The following PTPRD variants were observed in gnomAD, a reference collection of about 807,000 sequenced individuals.
The protein encoded by PTPRD is protein tyrosine phosphatase receptor type D, also known as receptor-type tyrosine-protein phosphatase delta.
In PTPRD, 34 loss-of-function variants were observed where a neutral mutation model predicts 214.5. That is an observed-to-expected ratio of 0.16 (90% CI 0.12 to 0.21). PTPRD has a LOEUF of 0.21. Ranked by LOEUF, PTPRD falls within the 10% of genes least tolerant of loss-of-function variation. PTPRD has a pLI of 1.00. For missense variants in PTPRD, 2,545 were observed against 2,398.7 expected, an observed-to-expected ratio of 1.06 and a Z score of -1.27; for synonymous variants, 1,128 against 845.7, an observed-to-expected ratio of 1.33 and a Z score of -5.79.
intron 2 of PTPRD, among the ~76,000 whole-genome samples, chr9:10,346,751 C>T (rs1283767487): frequency 1.3e-5 from 2 of 152,102 alleles, no homozygotes; most frequent in Non-Finnish European, 2.9e-5. Flanking sequence ...ACTTGTGTTA[C>T]ATTTACTGAA....
intron 3 of PTPRD, among the ~76,000 whole-genome samples, chr9:10,253,154 G>A (rs2154370507): frequency 6.6e-6 from 1 of 152,148 alleles, no homozygotes; most frequent in Non-Finnish European, 1.5e-5. Flanking sequence ...TAAATTTGAT[G>A]ATTAAAAAAA....
At chr9:10,212,787 A>G (rs544365098) in intron 3 of PTPRD, among the ~76,000 whole-genome samples, 1 of 152,168 alleles carries the variant, frequency 6.6e-6, no homozygotes, top group Non-Finnish European at 1.5e-5. Flanking sequence ...CTGGAGTCCT[A>G]CAAGGTTTCA....
chr9:10,182,445 G>T (rs989580260), intron 3 of PTPRD, among the ~76,000 whole-genome samples: 3 of 151,250 alleles, frequency 2.0e-5, no homozygotes, highest in Admixed American at 6.6e-5. Flanking sequence ...TGGAAAATAG[G>T]GGAGATCAAA....
At chr9:9,567,627 A>G (rs1291650530) in intron 8 of PTPRD, among the ~76,000 whole-genome samples, 1 of 152,040 alleles carries the variant, frequency 6.6e-6, no homozygotes, top group Non-Finnish European at 1.5e-5. Flanking sequence ...TACACCAACA[A>G]AGCATAATAA....
intron 3 of PTPRD, among the ~76,000 whole-genome samples, chr9:10,307,169 C>A (rs887545917): frequency 5.3e-5 from 8 of 150,948 alleles, no homozygotes; most frequent in African/African-American, 2.0e-4. Flanking sequence ...GCACTTATTC[C>A]TTCTATCGAA....
chr9:9,453,571 G>C (rs10977766), intron 8 of PTPRD, among the ~76,000 whole-genome samples: 23,094 of 151,410 alleles, frequency 0.15, 1,871 homozygotes, highest in Middle Eastern at 0.28. Context: ...GTAACTCTTG[G>C]TAATTACCAA....
At chr9:10,413,622 G>A (rs2098458878) in intron 2 of PTPRD, among the ~76,000 whole-genome samples, 1 of 151,756 alleles carries the variant, frequency 6.6e-6, no homozygotes, top group Non-Finnish European at 1.5e-5. Context: ...AAATTTATAT[G>A]GAACCAAAAA....
At chr9:9,240,915 C>T (rs964712361) in intron 9 of PTPRD, among the ~76,000 whole-genome samples, 1 of 152,048 alleles carries the variant, frequency 6.6e-6, no homozygotes, top group East Asian at 1.9e-4. Flanking sequence ...TTTAAAAGCA[C>T]TGTCAATCAG....
chr9:8,429,677 A>G (rs2132082210), intron 35 of PTPRD, among the ~76,000 whole-genome samples: 1 of 152,298 alleles, frequency 6.6e-6, no homozygotes, highest in Non-Finnish European at 1.5e-5. Flanking sequence ...CCATGAGAAC[A>G]GGAAGAAACT....
At position 9,695,107 on chromosome 9, in the gene PTPRD, C is replaced by A. The variant is rs116548424; in HGVS notation, c.-287+39426G>T. On this transcript the variant is annotated intron_variant, in intron 7 of 45. Transcript: ENST00000381196. ...TTCAACACATTTCAGAGCCCAAAGC[C>A]CATGGCATACTCTCTGGGTATCGCT... Among the ~76,000 whole-genome samples, 1,130 of 152,220 alleles carry A rather than the reference C, an allele frequency of 7.4e-3. 18 individuals are homozygous for A. Among genetic ancestry groups the A allele is most frequent in the African/African-American group, 0.026 (1,073 of 41,534 alleles).
intron 14 of PTPRD, among the ~76,000 whole-genome samples, chr9:8,595,342 C>T (rs1355406904): frequency 6.6e-6 from 1 of 152,014 alleles, no homozygotes; most frequent in East Asian, 1.9e-4. Context: ...ACATACAAAA[C>T]CATATAGCCA....
intron 11 of PTPRD, among the ~76,000 whole-genome samples, chr9:8,967,471 C>T (rs146251327): frequency 0.036 from 5,403 of 152,114 alleles, 149 homozygotes; most frequent in Non-Finnish European, 0.047. Context: ...TACATATATA[C>T]CATGGAATAC....
chr9:9,711,977 T>A (rs1262341339), intron 7 of PTPRD, among the ~76,000 whole-genome samples: 1 of 152,208 alleles, frequency 6.6e-6, no homozygotes, highest in African/African-American at 2.4e-5. Context: ...GTCATTCTGA[T>A]GCATGAATGT....
chr9:10,190,300 G>C (rs2099357047), intron 3 of PTPRD, among the ~76,000 whole-genome samples: 1 of 145,056 alleles, frequency 6.9e-6, no homozygotes, highest in Non-Finnish European at 1.5e-5. Context: ...AGGAGGTGGA[G>C]GTTGCAGTGA....
At chr9:9,961,195 C>A (rs1366350440) in intron 4 of PTPRD, among the ~76,000 whole-genome samples, 3 of 151,998 alleles carry the variant, frequency 2.0e-5, no homozygotes, top group East Asian at 3.9e-4. Flanking sequence ...AGCTCACAAG[C>A]AGATACATAC....
At chr9:9,197,913 C>G (rs949858553) in intron 9 of PTPRD, among the ~76,000 whole-genome samples, 1 of 152,206 alleles carries the variant, frequency 6.6e-6, no homozygotes, top group Non-Finnish European at 1.5e-5. Context: ...ACCACTCTAT[C>G]AGACATTGAG....
intron 9 of PTPRD, among the ~76,000 whole-genome samples, chr9:9,358,315 A>G (rs930554289): frequency 2.6e-4 from 40 of 151,286 alleles, no homozygotes; most frequent in African/African-American, 9.4e-4. Context: ...AGGTAATGAA[A>G]TTATTTGATT....
intron 6 of PTPRD, among the ~76,000 whole-genome samples, chr9:9,736,743 G>C (rs1564868077): frequency 6.6e-6 from 1 of 151,946 alleles, no homozygotes; most frequent in Non-Finnish European, 1.5e-5. Context: ...GTATTCATCT[G>C]AGAAGGTTTT....
chr9:10,183,473 T>C (rs369924815), intron 3 of PTPRD, among the ~76,000 whole-genome samples: 2 of 152,306 alleles, frequency 1.3e-5, no homozygotes, highest in African/African-American at 4.8e-5. Flanking sequence ...TTTTTAAATG[T>C]GTTCATGTAA....
Sources: gnomAD v4.1 joint callset for allele counts (sites outside exome capture counted in the v4.1 genomes callset) on GRCh38, gnomAD v4.1.1 for gene constraint, MANE v1.5 for transcripts, NCBI Gene and HGNC (gene_info 2026-07-23, HGNC 2026-07-21) for gene names.